YKT6: variants seen among roughly 807,000 people sequenced by gnomAD.
YKT6 encodes YKT6 vesicular SNARE protein, also known as synaptobrevin homolog YKT6.
A neutral mutation model predicts 29.3 loss-of-function variants in YKT6; 12 were observed. That is an observed-to-expected ratio of 0.41 (90% confidence interval 0.26 to 0.66). The LOEUF is 0.66. Among genes scored for constraint, YKT6 ranks in the 30% least tolerant of loss-of-function variants. YKT6 has a pLI of 0.32. For synonymous variants in YKT6, 86 were observed against 94.3 expected (o/e 0.91, Z 0.51); for missense variants, 188 against 243.8 (o/e 0.77, Z 1.52).
In YKT6 at chr7:44,214,158, C is replaced by A. The variant is rs1444304201; in HGVS notation, c.*1876C>A. ...TGTGAGATAGAGGGCCCAGCCCAGC[C>A]CCACCCACAGATCCCCTGCTCCTGT... On this transcript the variant is annotated 3_prime_UTR_variant, in exon 7 of 7. Coordinates refer to ENST00000223369, the MANE Select transcript of YKT6 (RefSeq NM_006555.4). 2 of 152,256 alleles carry A rather than the reference C, an allele frequency of 1.3e-5. No individual in the cohort carries two copies. The highest frequency in any genetic ancestry group is 6.5e-5 in the Admixed American group (1 of 15,288). The allele number at this position is 152,256 out of a possible 1,614,324, so 9.4% of individuals were successfully genotyped here. A position where few individuals can be genotyped will look rare whatever the true frequency, so the allele number is the denominator to read the frequency against.
intron 6 of YKT6, chr7:44,211,712 A>C (rs1381478088): frequency 1.4e-6 from 1 of 720,046 alleles, no homozygotes; most frequent in East Asian, 1.2e-4. Context: ...TTTCATGTGC[A>C]CATTGGAGGG....
At position 44,201,049 on chromosome 7, in the gene YKT6, G is replaced by A; in HGVS notation, c.-87G>A. The A allele has an allele frequency of 8.5e-7, 1 of 1,175,202 alleles. No individual in the cohort carries two copies. Among genetic ancestry groups the A allele is most frequent in the Non-Finnish European group, 1.2e-6 (1 of 863,038 alleles). 72.8% of individuals were successfully genotyped at this position (1,175,202 alleles called of 1,614,324 possible). On this transcript the variant is annotated 5_prime_UTR_variant, in exon 1 of 7. Transcript: ENST00000223369. Reference sequence around the variant, plus strand: ...CCGGCTGCTGAGAGGCCGGTAGGCGGCGGCGGTCCCGAGGGGCGGCGGCCG... The same window carrying A: ...CCGGCTGCTGAGAGGCCGGTAGGCGACGGCGGTCCCGAGGGGCGGCGGCCG...
chr7:44,202,253 CTTT>C (rs1187594678), intron 1 of YKT6, among the ~76,000 whole-genome samples: 1 of 151,828 alleles, frequency 6.6e-6, no homozygotes, highest in Admixed American at 6.6e-5. Flanking sequence ...CTTTCTGCTT[CTTT>C]GAGTTCTTTT....
At position 44,212,610 on chromosome 7, in the gene YKT6, G is replaced by A; in HGVS notation, c.*328G>A. The A allele has an allele frequency of 3.0e-6, 1 of 328,328 alleles. No homozygotes were observed. Among genetic ancestry groups the A allele is most frequent in the African/African-American group, 2.1e-5 (1 of 47,324 alleles). 20.3% of individuals were successfully genotyped at this position (328,328 alleles called of 1,614,324 possible). A position where few individuals can be genotyped will look rare whatever the true frequency, so the allele number is the denominator to read the frequency against. ...AAGGCTCTGTGGGAGGGAGGTCGGA[G>A]CCAGCTGTTTCTCGATCTTTGGTAT... On this transcript the variant is annotated 3_prime_UTR_variant, in exon 7 of 7. Transcript: ENST00000223369.
At chr7:44,202,211 TG>T (rs960562983) in intron 1 of YKT6, among the ~76,000 whole-genome samples, 1 of 150,230 alleles carries the variant, frequency 6.7e-6, no homozygotes, top group African/African-American at 2.4e-5. Context: ...ACTTGCTGGA[TG>T]TAAAAAAAAA....
chr7:44,211,417 G>T, intron 6 of YKT6: 1 of 610,488 alleles, frequency 1.6e-6, no homozygotes, highest in Non-Finnish European at 2.3e-6. Flanking sequence ...GTCCAGGAAG[G>T]CTGGTTCAAG....
At chr7:44,204,792 T>C (rs2128838915) in intron 2 of YKT6, 142 bp downstream of exon 2, 1 of 742,326 alleles carries the variant, frequency 1.3e-6, no homozygotes, top group Non-Finnish European at 2.2e-6. Flanking sequence ...CCTTTTCCTA[T>C]TTATGCAGAA....
chr7:44,208,367 C>G lies in YKT6; in HGVS notation c.459+169C>G, dbSNP rs2096343196. 7.6e-6 allele frequency: 5 copies of G among 654,366 alleles called. No homozygotes were observed. The Admixed American group carries it at 1.1e-4, about 14-fold the overall frequency. The allele number at this position is 654,366 out of a possible 1,614,324, so 40.5% of individuals were successfully genotyped here. The stretch of plus-strand genomic sequence containing the variant: ...CACCCCGGGCATCAGACTGTCTTTC[C>G]TATACCCTTCTCTTGGTTAATGGCA... On this transcript the variant is annotated intron_variant, in intron 5 of 6. Transcript: ENST00000223369.
rs773100686 is a variant in YKT6, at chr7:44,204,664, C to G, written c.187+14C>G. On this transcript the variant is annotated intron_variant, in intron 2 of 6. Transcript: ENST00000223369. Reference sequence around the variant, plus strand: ...TCAAAGAACAAGGTAAGAAGACCCTCCAACTTCTGTGCGTGTGCTGGCCTG... The same window carrying G: ...TCAAAGAACAAGGTAAGAAGACCCTGCAACTTCTGTGCGTGTGCTGGCCTG... 1.2e-6 allele frequency: 2 copies of G among 1,614,064 alleles called. No homozygotes were observed. The highest frequency in any genetic ancestry group is 2.2e-5 in the East Asian group (1 of 44,882).
intron 5 of YKT6, chr7:44,208,574 T>TTGCA (rs766406650): frequency 1.1e-5 from 3 of 262,642 alleles, no homozygotes; most frequent in African/African-American, 4.4e-5. Flanking sequence ...GTGCCTCCCC[T>TTGCA]TGCAGCGTTT....
intron 3 of YKT6, 138 bp from the exon 4 acceptor site, chr7:44,207,250 T>C (rs1450010282): frequency 3.4e-6 from 2 of 590,524 alleles, no homozygotes; most frequent in Non-Finnish European, 6.0e-6. Flanking sequence ...CCATTATATG[T>C]CCCCCTCATT....
chr7:44,211,709 T>A, intron 6 of YKT6: 1 of 763,272 alleles, frequency 1.3e-6, no homozygotes, highest in Non-Finnish European at 1.6e-6. Flanking sequence ...TGCTTTCATG[T>A]GCACATTGGA....
Position 44,212,448 on chromosome 7 carries a change from T to C in YKT6, c.*166T>C, listed in dbSNP as rs1337231476. On this transcript the variant is annotated 3_prime_UTR_variant, in exon 7 of 7. Transcript: ENST00000223369. ...AAATGGATGGTGGAAGGGTGGCGAA[T>C]GTTCAAATTCATATGTGTGGTAGTG... The C allele has an allele frequency of 5.9e-6, 5 of 844,214 alleles. No homozygotes were observed. The highest frequency in any genetic ancestry group is 2.4e-5 in the Admixed American group (1 of 40,900). The allele number at this position is 844,214 out of a possible 1,614,324, so 52.3% of individuals were successfully genotyped here.
At position 44,201,006 on chromosome 7, in the gene YKT6, C is replaced by A. The variant is rs894844935; in HGVS notation, c.-130C>A. On this transcript the variant is annotated 5_prime_UTR_variant, in exon 1 of 7. Coordinates refer to ENST00000223369, the MANE Select transcript of YKT6 (RefSeq NM_006555.4). ...TTGCGAGCCAGGAGGAGGAAGCCGG[C>A]GGTGGCCCCGTCAGCAGCCGGCTGC... 4.6e-6 allele frequency: 3 copies of A among 657,830 alleles called. No homozygotes were observed. Among genetic ancestry groups the A allele is most frequent in the South Asian group, 2.2e-5 (1 of 46,284 alleles). The allele number at this position is 657,830 out of a possible 1,614,324, so 40.7% of individuals were successfully genotyped here.
At chr7:44,211,749 A>C in intron 6 of YKT6, 1 of 477,082 alleles carries the variant, frequency 2.1e-6, no homozygotes, top group Non-Finnish European at 2.8e-6. Flanking sequence ...TTAGGAAGAT[A>C]GTCTGTGACC....
At chr7:44,207,119 C>A (rs950553643) in intron 3 of YKT6, among the ~76,000 whole-genome samples, 1 of 152,096 alleles carries the variant, frequency 6.6e-6, no homozygotes, top group African/African-American at 2.4e-5. Flanking sequence ...ATTCAAATAC[C>A]TTTATTACTC....
Position 44,213,059 on chromosome 7 carries a change from C to T in YKT6, c.*777C>T, listed in dbSNP as rs1261492584. 1 of 152,246 alleles carries T rather than the reference C, an allele frequency of 6.6e-6. No homozygotes were observed. The highest frequency in any genetic ancestry group is 6.5e-5 in the Admixed American group (1 of 15,292). The allele number at this position is 152,246 out of a possible 1,614,324, so 9.4% of individuals were successfully genotyped here. A position where few individuals can be genotyped will look rare whatever the true frequency, so the allele number is the denominator to read the frequency against. ...GAGCCCAGGAAAGGGGGATGTTTTC[C>T]TGGTGTTTGGATGGTCAGCTGGGAG... On this transcript the variant is annotated 3_prime_UTR_variant, in exon 7 of 7. Coordinates refer to ENST00000223369, the MANE Select transcript of YKT6 (RefSeq NM_006555.4).
Position 44,200,990 on chromosome 7 carries a change from A to T in YKT6, c.-146A>T. ...CGGATCCGGAAGTGGATTGCGAGCC[A>T]GGAGGAGGAAGCCGGCGGTGGCCCC... On this transcript the variant is annotated 5_prime_UTR_variant, in exon 1 of 7. Coordinates refer to ENST00000223369, the MANE Select transcript of YKT6 (RefSeq NM_006555.4). The T allele has an allele frequency of 3.4e-6, 2 of 588,546 alleles. No homozygotes were observed. The highest frequency in any genetic ancestry group is 5.8e-6 in the Non-Finnish European group (2 of 347,468). 36.5% of individuals were successfully genotyped at this position (588,546 alleles called of 1,614,324 possible).
At chr7:44,202,847 A>G (rs997036915) in intron 1 of YKT6, among the ~76,000 whole-genome samples, 2 of 152,166 alleles carry the variant, frequency 1.3e-5, no homozygotes, top group African/African-American at 4.8e-5. Context: ...AGTCTTTACC[A>G]TGGCCTACAT....
Sources: allele counts gnomAD v4.1 joint callset (sites outside exome capture counted in the v4.1 genomes callset), GRCh38; gene constraint gnomAD v4.1.1; transcripts MANE v1.5; gene names NCBI Gene and HGNC (gene_info 2026-07-23, HGNC 2026-07-21).